INPP4A: variants seen among roughly 807,000 people sequenced by gnomAD.
INPP4A encodes the protein inositol polyphosphate-4-phosphatase, type I, 107kD.
In INPP4A, 33 loss-of-function variants were observed where a neutral mutation model predicts 119.8. The observed-to-expected ratio is 0.28, with a 90% CI of 0.21 to 0.37. INPP4A has a LOEUF of 0.37. Among genes scored for constraint, INPP4A ranks in the 10% least tolerant of loss-of-function variants. The probability of loss-of-function intolerance (pLI) is 1.00; values close to 1 mark genes in which losing one functional copy is unlikely to be tolerated. For missense variants in INPP4A, 956 were observed against 1,289.9 expected (o/e 0.74, Z 3.97); for synonymous variants, 496 against 500.7 (o/e 0.99, Z 0.12).
At chr2:98,468,218 G>A (rs1391025141) in intron 1 of INPP4A, among the ~76,000 whole-genome samples, 1 of 152,106 alleles carries the variant, frequency 6.6e-6, no homozygotes, top group African/African-American at 2.4e-5. Flanking sequence ...TAATGTCTCA[G>A]TAAAGAAAAC....
intron 19 of INPP4A, 37 bp downstream of exon 19, chr2:98,564,800 C>G (rs561649751): frequency 4.5e-6 from 7 of 1,539,894 alleles, no homozygotes; most frequent in African/African-American, 4.1e-5. Context: ...GCCCCACTTG[C>G]GTGTGTGGTT....
intron 14 of INPP4A, among the ~76,000 whole-genome samples, 170 bp downstream of exon 14, chr2:98,553,139 T>A (rs565696672): frequency 2.0e-4 from 30 of 152,356 alleles, no homozygotes; most frequent in Admixed American, 2.0e-3. Context: ...GGTTTTGTGA[T>A]TTGTCCGCAG....
chr2:98,509,766 T>C (rs964241549), intron 1 of INPP4A, among the ~76,000 whole-genome samples: 2 of 152,178 alleles, frequency 1.3e-5, no homozygotes, highest in Non-Finnish European at 2.9e-5. Context: ...CACAAACATT[T>C]TAAAGCACTT....
intron 5 of INPP4A, among the ~76,000 whole-genome samples, chr2:98,534,470 A>G (rs1689838997): frequency 6.6e-6 from 1 of 152,300 alleles, no homozygotes; most frequent in South Asian, 2.1e-4. Flanking sequence ...CTACTTCAGT[A>G]TGTCTGGGGT....
chr2:98,531,116 C>A (rs1395516917), intron 4 of INPP4A, among the ~76,000 whole-genome samples: 1 of 152,146 alleles, frequency 6.6e-6, no homozygotes, highest in Admixed American at 6.6e-5. Context: ...TCTGAAAGGC[C>A]CCACCCCTAA....
At position 98,577,273 on chromosome 2, in the gene INPP4A, G is replaced by C. The variant is rs562713634; in HGVS notation, c.2786+130G>C. On this transcript the variant is annotated intron_variant, in intron 24 of 24. Transcript: ENST00000409851. ...CCTTGACTCCAGCCTTCACACTTGA[G>C]TTTGACAAACCCGTCAAACTATTGG... The C allele has an allele frequency of 3.4e-4, 338 of 980,492 alleles. 2 individuals carry two copies. In the South Asian group the frequency reaches 6.5e-3, roughly 19 times the overall value. The allele number at this position is 980,492 out of a possible 1,614,324, so 60.7% of individuals were successfully genotyped here. A position where few individuals can be genotyped will look rare whatever the true frequency, so the allele number is the denominator to read the frequency against.
At chr2:98,531,096 C>G (rs1216712299) in intron 4 of INPP4A, among the ~76,000 whole-genome samples, 1 of 152,200 alleles carries the variant, frequency 6.6e-6, no homozygotes, top group African/African-American at 2.4e-5. Flanking sequence ...ACCCTCATGA[C>G]TTAATCACCT....
chr2:98,544,313 C>T (rs80010496), intron 11 of INPP4A, among the ~76,000 whole-genome samples: 3,959 of 152,230 alleles, frequency 0.026, 78 homozygotes, highest in Non-Finnish European at 0.037. Flanking sequence ...TTAGGGGAGG[C>T]GAAATCCCGG....
chr2:98,565,741 A>G lies in INPP4A; in HGVS notation c.2254A>G (p.Met752Val). 1 of 1,612,728 alleles carries G rather than the reference A, an allele frequency of 6.2e-7. No individual in the cohort carries two copies. The highest frequency in any genetic ancestry group is 8.5e-7 in the Non-Finnish European group (1 of 1,179,482). ...GGCCACTTCCAGCGCCTCCGCAGAC[A>G]TGCTGCCCGTCATCACAGGAAATCG... Reference protein sequence around the residue: ...TQATSSASADMLPVITGNRDG... With the variant: ...TQATSSASADVLPVITGNRDG... The change falls in exon 20 of 25, where the codon ATG becomes GTG. Residue 752 changes from methionine to valine, a missense_variant. Physicochemically the swap from Met to Val is conservative, Grantham distance 21. This residue lies in a region of INPP4A where 304 missense variants were observed against 492.1 expected (regional missense o/e 0.62). Transcript: ENST00000409851.
In INPP4A at chr2:98,580,750, G is replaced by A. The variant is rs537557500; in HGVS notation, c.2786+3607G>A. On this transcript the variant is annotated intron_variant, in intron 24 of 24. Coordinates refer to ENST00000409851, the MANE Select transcript of INPP4A (RefSeq NM_001134225.2). ...TCTCCAAGTGGAGCCTTCACAGGCT[G>A]CCTGCTGTGTCCTCAGGCCTCTGAT... Among the ~76,000 whole-genome samples the A allele has an allele frequency of 2.6e-5, 4 of 152,378 alleles. No individual in the cohort carries two copies. In the East Asian group the frequency reaches 7.7e-4, roughly 29 times the overall value.
chr2:98,484,766 A>G (rs551985503), intron 1 of INPP4A, among the ~76,000 whole-genome samples: 2 of 152,074 alleles, frequency 1.3e-5, no homozygotes, highest in South Asian at 4.2e-4. Context: ...ATATTGGTAG[A>G]TCTTACTTAG....
chr2:98,485,425 T>C (rs1039114184), intron 1 of INPP4A, among the ~76,000 whole-genome samples: 1 of 152,096 alleles, frequency 6.6e-6, no homozygotes, highest in Admixed American at 6.5e-5. Context: ...GGGGTTTCCC[T>C]CTCTATATTT....
rs1041726583 is a variant in INPP4A, at chr2:98,569,431, T to C, written c.2518+763T>C. The C allele has an allele frequency of 2.0e-5, 3 of 152,254 alleles. No individual in the cohort carries two copies. Among genetic ancestry groups the C allele is most frequent in the African/African-American group, 4.8e-5 (2 of 41,444 alleles). 9.4% of individuals were successfully genotyped at this position (152,254 alleles called of 1,614,324 possible). On this transcript the variant is annotated intron_variant, in intron 22 of 24. Coordinates refer to ENST00000409851, the MANE Select transcript of INPP4A (RefSeq NM_001134225.2). The surrounding 1 kb of genome is among the most constrained non-coding windows in gnomAD (Gnocchi z 5.1). ...TCAGAAGGTATCATCCCCTCTGTGT[T>C]ACACTAGTGTCCTCTGATGGGGGTT...
At chr2:98,509,020 A>G (rs1226346298) in intron 1 of INPP4A, among the ~76,000 whole-genome samples, 1 of 152,208 alleles carries the variant, frequency 6.6e-6, no homozygotes, top group Admixed American at 6.5e-5. Context: ...TGGAAAGGAC[A>G]GAGTAGCAAG....
intron 24 of INPP4A, among the ~76,000 whole-genome samples, chr2:98,586,285 A>G (rs1255019081): frequency 6.6e-6 from 1 of 152,190 alleles, no homozygotes; most frequent in Non-Finnish European, 1.5e-5. Context: ...CATGTTCTTG[A>G]TAATGAGACT....
At chr2:98,553,135 G>T (rs998909965) in intron 14 of INPP4A, among the ~76,000 whole-genome samples, 166 bp downstream of exon 14, 1 of 152,224 alleles carries the variant, frequency 6.6e-6, no homozygotes, top group Non-Finnish European at 1.5e-5. Context: ...GGGAGGTTTT[G>T]TGATTTGTCC....
chr2:98,467,887 T>C (rs79808231), intron 1 of INPP4A, among the ~76,000 whole-genome samples: 1,712 of 152,304 alleles, frequency 0.011, 23 homozygotes, highest in Middle Eastern at 0.027. Flanking sequence ...CTAATAGTTA[T>C]TTATTTCTTG....
chr2:98,484,619 T>TA (rs966000014), intron 1 of INPP4A, among the ~76,000 whole-genome samples: 7 of 152,116 alleles, frequency 4.6e-5, no homozygotes, highest in African/African-American at 1.7e-4. Context: ...TTTGCATACT[T>TA]ACTATAAAGG....
intron 1 of INPP4A, among the ~76,000 whole-genome samples, chr2:98,478,737 A>G (rs184589432): frequency 6.6e-6 from 1 of 152,232 alleles, no homozygotes; most frequent in East Asian, 1.9e-4. Context: ...GATTTCCGAG[A>G]AGGTTGCAGG....
Sources: gnomAD v4.1 joint callset for allele counts (sites outside exome capture counted in the v4.1 genomes callset) on GRCh38, gnomAD v4.1.1 for gene constraint, gnomAD v4.1.1 regional missense constraint, Gnocchi (gnomAD v3.1) non-coding constraint, MANE v1.5 for transcripts, NCBI Gene and HGNC (gene_info 2026-07-23, HGNC 2026-07-21) for gene names.